The following MALSU1 variants were observed in gnomAD, a reference collection of about 807,000 sequenced individuals.
MALSU1 encodes the protein mitochondrial assembly of ribosomal large subunit protein 1.
In MALSU1, 22 loss-of-function variants were observed where a neutral mutation model predicts 22.1. That is an observed-to-expected ratio of 1.00 (90% confidence interval 0.71 to 1.42). MALSU1 has a LOEUF of 1.42. MALSU1 is among the 40% of genes most tolerant of loss of function. MALSU1 has a pLI of 0.00. For missense variants in MALSU1, 379 were observed against 308.3 expected, an observed-to-expected ratio of 1.23 and a Z score of -1.72; for synonymous variants, 153 against 118.5, an observed-to-expected ratio of 1.29 and a Z score of -1.89.
At position 23,309,933 on chromosome 7, in the gene MALSU1, G is replaced by A. The variant is rs1783785600; in HGVS notation, c.*390G>A. On this transcript the variant is annotated 3_prime_UTR_variant, in exon 4 of 4. Coordinates refer to ENST00000466681, the MANE Select transcript of MALSU1 (RefSeq NM_138446.2). ...AAATAATATAAAACATAGCCCACTG[G>A]TCTTATTTTTATACTTTGAGGTGAT... 1 of 152,832 alleles carries A rather than the reference G, an allele frequency of 6.5e-6. No homozygotes were observed. The highest frequency in any genetic ancestry group is 1.5e-5 in the Non-Finnish European group (1 of 68,786). The allele number at this position is 152,832 out of a possible 1,614,324, so 9.5% of individuals were successfully genotyped here.
At chr7:23,301,136 A>G (rs1783639574) in intron 2 of MALSU1, 119 bp downstream of exon 2, 5 of 840,356 alleles carry the variant, frequency 5.9e-6, no homozygotes, top group African/African-American at 3.4e-5. Context: ...AAGAAGCCCA[A>G]ATTTTCAGAA....
rs369528535 is a variant in MALSU1 at position 23,309,343 on chromosome 7, C to T, written c.518-13C>T. 7 of 1,598,080 alleles carry T rather than the reference C, an allele frequency of 4.4e-6. No individual in the cohort carries two copies. The African/African-American group carries it at 9.5e-5, about 22-fold the overall frequency. Reference sequence around the variant, plus strand: ...ACTATTCCTTCATTGTATCTCTTATCTGTCCCTGACAGGCAGCATGGTGAT... The same window carrying T: ...ACTATTCCTTCATTGTATCTCTTATTTGTCCCTGACAGGCAGCATGGTGAT... On this transcript the variant is annotated splice_polypyrimidine_tract_variant and intron_variant, in intron 3 of 3. Transcript: ENST00000466681.
chr7:23,300,997 G>C lies in MALSU1; in HGVS notation c.415G>C (p.Ala139Pro). 1 of 1,613,562 alleles carries C rather than the reference G, an allele frequency of 6.2e-7. No individual in the cohort carries two copies. Among genetic ancestry groups the C allele is most frequent in the Non-Finnish European group, 8.5e-7 (1 of 1,179,726 alleles). Reference sequence around the variant, plus strand: ...TTCTACCCGACACTTACATGCCATGGCCTTCTACGTTGTGAAAATGGTAGG... The same window carrying C: ...TTCTACCCGACACTTACATGCCATGCCCTTCTACGTTGTGAAAATGGTAGG... ...GTSTRHLHAM[A>P]FYVVKMYKHL... The change falls in exon 2 of 4, where the codon GCC (alanine) becomes CCC (proline). Residue 139 changes from alanine to proline, a missense_variant. By Grantham distance (27) the Ala-to-Pro change is conservative (BLOSUM62 -1). Transcript: ENST00000466681.
In MALSU1 at chr7:23,299,489, C is replaced by G; in HGVS notation, c.137C>G (p.Ala46Gly). The change falls in exon 1 of 4, where the codon GCA (alanine) becomes GGA (glycine). Residue 46 changes from alanine (A) to glycine (G), a missense_variant. Physicochemically the swap from Ala to Gly is moderately conservative, Grantham distance 60. Transcript: ENST00000466681. ...LLAVQRLPVG[A>G]AFCRACQTPN... ...GCCGTGCAGCGGCTTCCCGTAGGAG[C>G]AGCGTTCTGCCGGGCTTGCCAGACC... is the stretch of plus-strand genomic sequence containing the variant. The G allele has an allele frequency of 6.2e-7, 1 of 1,611,422 alleles. No homozygotes were observed. Among genetic ancestry groups the G allele is most frequent in the Non-Finnish European group, 8.5e-7 (1 of 1,179,810 alleles).
In MALSU1 at chr7:23,300,904, G is replaced by T. The variant is rs1226857292; in HGVS notation, c.322G>T (p.Asp108Tyr). 1 of 1,614,032 alleles carries T rather than the reference G, an allele frequency of 6.2e-7. No homozygotes were observed. The highest frequency in any genetic ancestry group is 8.5e-7 in the Non-Finnish European group (1 of 1,179,970). The change falls in exon 2 of 4, where the codon GAC becomes TAC. Residue 108 changes from aspartate to tyrosine, a missense_variant. By Grantham distance (160) the Asp-to-Tyr change is radical. Coordinates refer to ENST00000466681, the MANE Select transcript of MALSU1 (RefSeq NM_138446.2). ...ACTTCTGAGGCAAGAAAATGCAAGA[G>T]ACATTTGTGTGATCCAGGTTCCTCC... The part of the protein sequence containing the change: ...VSLLRQENAR[D>Y]ICVIQVPPEM...
In MALSU1 at chr7:23,308,848, T is replaced by C. The variant is rs920378774; in HGVS notation, c.518-508T>C. Among the ~76,000 whole-genome samples the C allele has an allele frequency of 3.0e-4, 46 of 152,210 alleles. 1 individual carries two copies. The highest frequency in any genetic ancestry group is 1.1e-3 in the African/African-American group (45 of 41,454). On this transcript the variant is annotated intron_variant, in intron 3 of 3. Coordinates refer to ENST00000466681, the MANE Select transcript of MALSU1 (RefSeq NM_138446.2). ...TGTCTCTTGTGCACGGTACGATGTTTAGCAGTATCCTCCCTTCTCCAATTG... is the reference window on the plus strand; with the variant it reads ...TGTCTCTTGTGCACGGTACGATGTTCAGCAGTATCCTCCCTTCTCCAATTG...
chr7:23,299,367 C>G lies in MALSU1; in HGVS notation c.15C>G (p.Gly5=). The stretch of plus-strand genomic sequence containing the variant: ...AGGCTGCTGCTATGGGGCCGGGCGG[C>G]CGTGTGGCGCGGCTGCTCGCCCCAC... The part of the protein sequence containing the change: MGPG[G]RVARLLAPLM... The change falls in exon 1 of 4, where the codon GGC becomes GGG. Residue 5 remains glycine (G), a synonymous_variant. Transcript: ENST00000466681. 2 of 1,581,380 alleles carry G rather than the reference C, an allele frequency of 1.3e-6. No individual in the cohort carries two copies. Among genetic ancestry groups the G allele is most frequent in the South Asian group, 2.2e-5 (2 of 89,030 alleles).
In MALSU1 at chr7:23,307,943, G is replaced by C; in HGVS notation, c.511G>C (p.Asp171His). The C allele has an allele frequency of 6.2e-7, 1 of 1,612,328 alleles. No homozygotes were observed. The highest frequency in any genetic ancestry group is 8.5e-7 in the Non-Finnish European group (1 of 1,178,316). ...GKDTDDWLCV[D>H]FGSMVIHLML... is the part of the protein sequence containing the mutation. ...GGACACTGATGACTGGCTGTGCGTG[G>C]ATTTTGGTAAGTTATTCTGGCGTAT... Residue 171 changes from aspartate to histidine, a missense_variant, in exon 3 of 4, where the codon GAT becomes CAT. By Grantham distance (81) the Asp-to-His change is moderately conservative. Coordinates refer to ENST00000466681, the MANE Select transcript of MALSU1 (RefSeq NM_138446.2).
chr7:23,299,894 C>T (rs145089473), intron 1 of MALSU1, among the ~76,000 whole-genome samples: 7 of 152,256 alleles, frequency 4.6e-5, no homozygotes, highest in African/African-American at 1.4e-4. Flanking sequence ...TTACCCTCTT[C>T]CTAGGATCCT....
At chr7:23,299,670 C>T (rs1192910590) in intron 1 of MALSU1, 62 bp downstream of exon 1, 4 of 1,503,552 alleles carry the variant, frequency 2.7e-6, no homozygotes, top group Admixed American at 2.1e-5. Context: ...AGGTCCCAGC[C>T]AAGGTGGCTC....
At chr7:23,308,212 G>A (rs111629066) in intron 3 of MALSU1, among the ~76,000 whole-genome samples, 20 of 152,262 alleles carry the variant, frequency 1.3e-4, no homozygotes, top group African/African-American at 4.8e-4. Context: ...GTATCTACTA[G>A]CCACACAGAT....
At chr7:23,302,340 C>T (rs1457442112) in intron 2 of MALSU1, among the ~76,000 whole-genome samples, 1 of 152,172 alleles carries the variant, frequency 6.6e-6, no homozygotes, top group Non-Finnish European at 1.5e-5. Flanking sequence ...GCCATGATAC[C>T]TTTCTTAGTC....
At chr7:23,301,706 C>T (rs1372994674) in intron 2 of MALSU1, among the ~76,000 whole-genome samples, 1 of 152,182 alleles carries the variant, frequency 6.6e-6, no homozygotes, top group Non-Finnish European at 1.5e-5. Context: ...CGTGGTGGCT[C>T]AAGCCTGTAA....
At chr7:23,307,491 G>A (rs564508291) in intron 2 of MALSU1, among the ~76,000 whole-genome samples, 2 of 152,258 alleles carry the variant, frequency 1.3e-5, no homozygotes, top group East Asian at 1.9e-4. Context: ...AAACAACCTG[G>A]CTTTATAAAC....
chr7:23,308,200 G>A (rs1352282567), intron 3 of MALSU1, among the ~76,000 whole-genome samples: 2 of 152,206 alleles, frequency 1.3e-5, no homozygotes, highest in African/African-American at 4.8e-5. Context: ...ACTACATGGT[G>A]TGTATCTACT....
Position 23,309,498 on chromosome 7 carries a change from A to T in MALSU1, c.660A>T (p.Glu220Asp), listed in dbSNP as rs1562659208. 1 of 1,611,792 alleles carries T rather than the reference A, an allele frequency of 6.2e-7. No individual in the cohort carries two copies. The change falls in exon 4 of 4, where the codon GAA becomes GAT. Residue 220 changes from glutamate (E) to aspartate (D), a missense_variant. Physicochemically the swap from Glu to Asp is conservative, Grantham distance 45. Transcript: ENST00000466681. The part of the protein sequence containing the change: ...TVPEDFILGI[E>D]DDTSSVTPVE... ...CTGAAGACTTCATTCTTGGAATAGA[A>T]GATGATACTTCATCTGTGACTCCAG...
At position 23,307,964 on chromosome 7, in the gene MALSU1, C is replaced by T. The variant is rs200253334; in HGVS notation, c.517+15C>T. The T allele has an allele frequency of 1.8e-5, 29 of 1,581,620 alleles. No homozygotes were observed. Among genetic ancestry groups the T allele is most frequent in the African/African-American group, 5.4e-5 (4 of 74,202 alleles). ...CGTGGATTTTGGTAAGTTATTCTGG[C>T]GTATTTTACAGGTAACTGTTGGTAC... is the stretch of plus-strand genomic sequence containing the variant. On this transcript the variant is annotated intron_variant, in intron 3 of 3. Transcript: ENST00000466681.
chr7:23,309,451 C>CAGAT lies in MALSU1; in HGVS notation c.616_619dup (p.Ala207AspfsTer4), dbSNP rs749778754. 39 of 1,613,434 alleles carry CAGAT rather than the reference C, an allele frequency of 2.4e-5. No individual in the cohort carries two copies. Among genetic ancestry groups the CAGAT allele is most frequent in the African/African-American group, 4.0e-5 (3 of 74,894 alleles). On this transcript the variant is annotated frameshift_variant, in exon 4 of 4. Transcript: ENST00000466681. LOFTEE classifies it high-confidence loss of function. Reference sequence around the variant, plus strand: ...ACGTTCTTATGATGACCAGTTAGCTCAGATAGCACCTGAGACAGTACCTGA... The same window carrying CAGAT: ...ACGTTCTTATGATGACCAGTTAGCTCAGATAGATAGCACCTGAGACAGTACCTGA...
In MALSU1 at chr7:23,310,858, C is replaced by T. The variant is rs1783806352; in HGVS notation, c.*1315C>T. The T allele has an allele frequency of 6.6e-6, 1 of 151,738 alleles. No homozygotes were observed. The highest frequency in any genetic ancestry group is 1.5e-5 in the Non-Finnish European group (1 of 67,968). 9.4% of individuals were successfully genotyped at this position (151,738 alleles called of 1,614,324 possible). A position where few individuals can be genotyped will look rare whatever the true frequency, so the allele number is the denominator to read the frequency against. On this transcript the variant is annotated 3_prime_UTR_variant, in exon 4 of 4. Coordinates refer to ENST00000466681, the MANE Select transcript of MALSU1 (RefSeq NM_138446.2). Reference sequence around the variant, plus strand: ...AACATGACTGTGATCATCTTACAAACAAAACTCAAAAAATCAATTCAGAGA... The same window carrying T: ...AACATGACTGTGATCATCTTACAAATAAAACTCAAAAAATCAATTCAGAGA...
Sources: allele counts gnomAD v4.1 joint callset (sites outside exome capture counted in the v4.1 genomes callset), GRCh38; gene constraint gnomAD v4.1.1; transcripts MANE v1.5; gene names NCBI Gene and HGNC (gene_info 2026-07-23, HGNC 2026-07-21).